EIF2AK2: variants seen among roughly 807,000 people sequenced by gnomAD.
EIF2AK2 encodes the protein interferon-induced, double-stranded RNA-activated protein kinase.
EIF2AK2 carries 40 observed loss-of-function variants against 70.5 expected under a neutral mutation model. The ratio of observed to expected loss-of-function variants is 0.57; its 90% CI spans 0.44 to 0.74. The LOEUF (loss-of-function observed/expected upper bound fraction) is 0.74. Among genes scored for constraint, EIF2AK2 ranks in the 30% least tolerant of loss-of-function variants. EIF2AK2 has a pLI of 0.00. For synonymous variants in EIF2AK2, 198 were observed against 220.9 expected (o/e 0.90, Z 0.92); for missense variants, 555 against 644.3 (o/e 0.86, Z 1.50).
chr2:37,132,037 G>C (rs936442334), intron 10 of EIF2AK2, among the ~76,000 whole-genome samples: 1 of 152,126 alleles, frequency 6.6e-6, no homozygotes, highest in Non-Finnish European at 1.5e-5. Context: ...ACTAAAGGCA[G>C]CTCTACTTCC....
chr2:37,149,422 C>T, intron 1 of EIF2AK2: 1 of 471,232 alleles, frequency 2.1e-6, no homozygotes, highest in Non-Finnish European at 3.8e-6. Flanking sequence ...CCTCAATGTG[C>T]ACGAATTTTT....
chr2:37,140,584 A>AT (rs1254816885), intron 5 of EIF2AK2, among the ~76,000 whole-genome samples: 1 of 148,126 alleles, frequency 6.8e-6, no homozygotes, highest in African/African-American at 2.6e-5. Context: ...TATAGCTCCT[A>AT]TTTTTTTCAG....
chr2:37,139,301 C>T (rs944420737), intron 6 of EIF2AK2, among the ~76,000 whole-genome samples: 4 of 142,746 alleles, frequency 2.8e-5, no homozygotes, highest in Middle Eastern at 3.5e-3. Context: ...GGCAACAGAG[C>T]GAGATTCCAT....
chr2:37,140,609 C>T lies in EIF2AK2; in HGVS notation c.390-852G>A, dbSNP rs564344357. On this transcript the variant is annotated intron_variant, in intron 5 of 16. Transcript: ENST00000233057. ...ATTTTTTTCAGATACTGCCCCCCCC[C>T]GCAAACAGATTTCTTCTTTCTTTTA... is the stretch of plus-strand genomic sequence containing the variant. Among the ~76,000 whole-genome samples the T allele has an allele frequency of 7.9e-5, 12 of 151,328 alleles. 1 individual carries two copies. Among genetic ancestry groups the T allele is most frequent in the South Asian group, 6.3e-4 (3 of 4,788 alleles).
intron 4 of EIF2AK2, among the ~76,000 whole-genome samples, chr2:37,143,930 T>G (rs1675433020): frequency 6.6e-6 from 1 of 152,130 alleles, no homozygotes. Flanking sequence ...ACATAGCATT[T>G]ACATTGTATT....
intron 2 of EIF2AK2, 103 bp downstream of exon 2, chr2:37,148,754 G>A: frequency 1.2e-6 from 1 of 836,192 alleles, no homozygotes; most frequent in Non-Finnish European, 2.1e-6. Context: ...GTCGTGTTGT[G>A]ACCCATTTAA....
chr2:37,107,070 G>C lies in EIF2AK2; in HGVS notation c.*203C>G. On this transcript the variant is annotated 3_prime_UTR_variant, in exon 17 of 17. Transcript: ENST00000233057. ...AAAAAAAAAAAGAATAAAGAGATGA[G>C]CCAGGAAAAAGTAAAATGTAAGAAT... 1.7e-6 allele frequency: 1 copy of C among 603,590 alleles called. No individual in the cohort carries two copies. The allele number at this position is 603,590 out of a possible 1,614,324, so 37.4% of individuals were successfully genotyped here. A position where few individuals can be genotyped will look rare whatever the true frequency, so the allele number is the denominator to read the frequency against.
At chr2:37,152,331 G>C (rs1207778783) in intron 1 of EIF2AK2, among the ~76,000 whole-genome samples, 1 of 152,046 alleles carries the variant, frequency 6.6e-6, no homozygotes, top group Non-Finnish European at 1.5e-5. Flanking sequence ...GCCCAGGCTG[G>C]AGTGCAGTAA....
chr2:37,133,022 T>C (rs1482791067), intron 10 of EIF2AK2, among the ~76,000 whole-genome samples: 3 of 152,188 alleles, frequency 2.0e-5, no homozygotes, highest in African/African-American at 7.2e-5. Flanking sequence ...ATAATGGTCC[T>C]GAATTCATTT....
At chr2:37,116,620 CA>C (rs1285240288) in intron 13 of EIF2AK2, among the ~76,000 whole-genome samples, 1 of 152,132 alleles carries the variant, frequency 6.6e-6, no homozygotes, top group African/African-American at 2.4e-5. Flanking sequence ...ACGGCTCATA[CA>C]GCAATTAGCA....
intron 10 of EIF2AK2, among the ~76,000 whole-genome samples, chr2:37,128,827 C>A (rs1225966357): frequency 1.3e-5 from 2 of 152,178 alleles, no homozygotes; most frequent in African/African-American, 4.8e-5. Flanking sequence ...GAGACAATGG[C>A]ATCAGGTGAA....
intron 10 of EIF2AK2, among the ~76,000 whole-genome samples, chr2:37,131,681 C>T (rs1674943747): frequency 6.6e-6 from 1 of 152,114 alleles, no homozygotes; most frequent in South Asian, 2.1e-4. Flanking sequence ...CTTCCACTCA[C>T]ATAAAGGGAG....
intron 13 of EIF2AK2, among the ~76,000 whole-genome samples, chr2:37,116,569 G>A (rs2148671556): frequency 6.6e-6 from 1 of 152,348 alleles, no homozygotes; most frequent in East Asian, 1.9e-4. Context: ...TAAGCCCAGG[G>A]AAGGCTGAAG....
chr2:37,154,332 A>C (rs1325824910), intron 1 of EIF2AK2, among the ~76,000 whole-genome samples: 1 of 151,916 alleles, frequency 6.6e-6, no homozygotes, highest in African/African-American at 2.4e-5. Context: ...TCTCAAAAAA[A>C]AAAACAAAAA....
At chr2:37,155,685 T>C (rs1398522510) in intron 1 of EIF2AK2, among the ~76,000 whole-genome samples, 1 of 152,186 alleles carries the variant, frequency 6.6e-6, no homozygotes, top group East Asian at 1.9e-4. Context: ...TTGTCCATCT[T>C]ACTAATGCCC....
chr2:37,122,212 G>A (rs1009356719), intron 12 of EIF2AK2, among the ~76,000 whole-genome samples: 4 of 152,126 alleles, frequency 2.6e-5, no homozygotes, highest in Non-Finnish European at 5.9e-5. Context: ...CGCTGAAGCC[G>A]GCACGTGAAC....
intron 11 of EIF2AK2, 134 bp downstream of exon 11, chr2:37,126,155 G>T: frequency 1.6e-6 from 2 of 1,218,370 alleles, no homozygotes; most frequent in Non-Finnish European, 2.2e-6. Flanking sequence ...AACTCCTCTT[G>T]GTAGAATGAA....
At chr2:37,130,627 C>T (rs62133143) in intron 10 of EIF2AK2, among the ~76,000 whole-genome samples, 3,873 of 152,146 alleles carry the variant, frequency 0.025, 64 homozygotes, top group South Asian at 0.041. Context: ...TTATATTATC[C>T]CTCTATCTTC....
In EIF2AK2 at chr2:37,105,677, CA is replaced by C. The variant is rs1189475631; in HGVS notation, c.*1595del. The C allele has an allele frequency of 2.6e-5, 4 of 152,370 alleles. No homozygotes were observed. Among genetic ancestry groups the C allele is most frequent in the Non-Finnish European group, 5.9e-5 (4 of 68,052 alleles). The allele number at this position is 152,370 out of a possible 1,614,324, so 9.4% of individuals were successfully genotyped here. A position where few individuals can be genotyped will look rare whatever the true frequency, so the allele number is the denominator to read the frequency against. ...ATTGCCCTAAGTTGAAATTCACCCT[CA>C]GGGTCGTCTTCTAAGATGCAATTTA... On this transcript the variant is annotated 3_prime_UTR_variant, in exon 17 of 17. Transcript: ENST00000233057.
Sources: allele counts gnomAD v4.1 joint callset (sites outside exome capture counted in the v4.1 genomes callset), GRCh38; gene constraint gnomAD v4.1.1; transcripts MANE v1.5; gene names NCBI Gene and HGNC (gene_info 2026-07-23, HGNC 2026-07-21).